The following WWOX variants were observed in gnomAD, a reference collection of about 807,000 sequenced individuals.
WWOX encodes the protein WW domain containing oxidoreductase.
Under a neutral mutation model 46.2 loss-of-function variants are expected in WWOX, and 69 were observed. That is an observed-to-expected ratio of 1.49 (90% confidence interval 1.23 to 1.82). The LOEUF is 1.82. Among genes scored for constraint, WWOX ranks in the 40% most tolerant of loss-of-function variants. The pLI, the probability that WWOX is intolerant of heterozygous loss-of-function variation, is 0.00. For synonymous variants in WWOX, 359 were observed against 202.6 expected, an observed-to-expected ratio of 1.77 and a Z score of -6.56; for missense variants, 919 against 542.6, an observed-to-expected ratio of 1.69 and a Z score of -6.89.
At chr16:78,914,040 A>G (rs1398695290) in intron 8 of WWOX, among the ~76,000 whole-genome samples, 1 of 152,044 alleles carries the variant, frequency 6.6e-6, no homozygotes, top group Non-Finnish European at 1.5e-5. Context: ...TCAGAGATGA[A>G]AATGAGATTT....
chr16:78,786,228 C>G (rs549495442), intron 8 of WWOX, among the ~76,000 whole-genome samples: 3 of 152,248 alleles, frequency 2.0e-5, no homozygotes, highest in South Asian at 4.2e-4. Context: ...TATTTTCTAC[C>G]CCACTTTCTT....
At chr16:79,178,202 A>G (rs1156333047) in intron 8 of WWOX, among the ~76,000 whole-genome samples, 2 of 152,238 alleles carry the variant, frequency 1.3e-5, no homozygotes, top group African/African-American at 2.4e-5. Context: ...ACAACCATGG[A>G]CAATACACAA....
intron 8 of WWOX, among the ~76,000 whole-genome samples, chr16:78,495,668 C>T (rs1028711938): frequency 6.6e-6 from 1 of 151,818 alleles, no homozygotes; most frequent in African/African-American, 2.4e-5. Context: ...GCCACGGCAC[C>T]TGGCTAATTT....
At chr16:78,392,643 T>A (rs1189158327) in intron 6 of WWOX, among the ~76,000 whole-genome samples, 2 of 152,144 alleles carry the variant, frequency 1.3e-5, no homozygotes, top group Non-Finnish European at 2.9e-5. Context: ...ATCTCTGTGG[T>A]GTCTTTTAAC....
intron 5 of WWOX, among the ~76,000 whole-genome samples, chr16:78,363,931 C>A (rs1219995777): frequency 6.6e-6 from 1 of 152,206 alleles, no homozygotes; most frequent in Non-Finnish European, 1.5e-5. Context: ...TGTTGTGATG[C>A]TTCCGGAAGA....
At chr16:78,710,547 T>C (rs2048423340) in intron 8 of WWOX, among the ~76,000 whole-genome samples, 1 of 140,942 alleles carries the variant, frequency 7.1e-6, no homozygotes, top group Non-Finnish European at 1.5e-5. Context: ...TTTATATATT[T>C]TTATATATTT....
intron 8 of WWOX, among the ~76,000 whole-genome samples, chr16:78,977,014 GCTTTCCC>G (rs2046585919): frequency 6.6e-6 from 1 of 152,120 alleles, no homozygotes; most frequent in Non-Finnish European, 1.5e-5. Context: ...TCATCAGAGA[GCTTTCCC>G]CTGGCCTGGG....
At chr16:78,534,921 C>G (rs2043721790) in intron 8 of WWOX, among the ~76,000 whole-genome samples, 1 of 151,996 alleles carries the variant, frequency 6.6e-6, no homozygotes, top group Admixed American at 6.6e-5. Context: ...ACCATGGTGG[C>G]CGGGATGGTC....
intron 8 of WWOX, among the ~76,000 whole-genome samples, chr16:78,815,783 C>T (rs2051313414): frequency 6.6e-6 from 1 of 152,238 alleles, no homozygotes; most frequent in South Asian, 2.1e-4. Flanking sequence ...GCAGACCTCT[C>T]TGCCAGTGTT....
chr16:78,679,332 C>G (rs906318256), intron 8 of WWOX, among the ~76,000 whole-genome samples: 1 of 152,154 alleles, frequency 6.6e-6, no homozygotes, highest in Non-Finnish European at 1.5e-5. Context: ...GGGTGGATCA[C>G]CTGAGGTCAG....
At chr16:78,963,718 G>T (rs1288577705) in intron 8 of WWOX, among the ~76,000 whole-genome samples, 1 of 152,152 alleles carries the variant, frequency 6.6e-6, no homozygotes, top group East Asian at 1.9e-4. Flanking sequence ...TTAACACACA[G>T]ACACATATTG....
chr16:78,852,245 T>A (rs1000767739), intron 8 of WWOX, among the ~76,000 whole-genome samples: 2 of 152,176 alleles, frequency 1.3e-5, no homozygotes, highest in African/African-American at 4.8e-5. Flanking sequence ...GGGTTTTACA[T>A]TGCAGTATAT....
At chr16:78,951,799 G>T (rs1475886414) in intron 8 of WWOX, among the ~76,000 whole-genome samples, 4 of 152,114 alleles carry the variant, frequency 2.6e-5, no homozygotes, top group Admixed American at 2.6e-4. Flanking sequence ...CAGGATGGTG[G>T]CTTGCAGGAA....
chr16:78,373,705 T>G (rs964233182), intron 5 of WWOX, among the ~76,000 whole-genome samples: 1 of 152,222 alleles, frequency 6.6e-6, no homozygotes, highest in Non-Finnish European at 1.5e-5. Context: ...TTTCTTTTGA[T>G]GACTGATAAA....
chr16:78,284,869 C>G (rs754750991), intron 5 of WWOX, among the ~76,000 whole-genome samples: 5 of 152,126 alleles, frequency 3.3e-5, no homozygotes, highest in African/African-American at 1.2e-4. Context: ...TTCAAACTTA[C>G]GTATTTCTTC....
intron 5 of WWOX, among the ~76,000 whole-genome samples, chr16:78,386,625 C>A (rs567369726): frequency 7.0e-6 from 1 of 142,140 alleles, no homozygotes; most frequent in Non-Finnish European, 1.5e-5. Flanking sequence ...CACAACCCAC[C>A]CCCCCGCCCC....
At chr16:78,363,619 A>G (rs1383892649) in intron 5 of WWOX, among the ~76,000 whole-genome samples, 1 of 152,150 alleles carries the variant, frequency 6.6e-6, no homozygotes, top group Admixed American at 6.5e-5. Context: ...TCCACATCTG[A>G]GAGTCCCAGA....
At chr16:78,778,294 A>G (rs2142544190) in intron 8 of WWOX, among the ~76,000 whole-genome samples, 1 of 152,242 alleles carries the variant, frequency 6.6e-6, no homozygotes, top group South Asian at 2.1e-4. Flanking sequence ...ATTGGTAACC[A>G]CTGATACGCC....
intron 8 of WWOX, among the ~76,000 whole-genome samples, chr16:79,209,012 C>T (rs72628258): frequency 0.17 from 25,909 of 152,082 alleles, 2,403 homozygotes; most frequent in East Asian, 0.3. Context: ...TAGAGAAGGT[C>T]GTCTTTGCTT....
Sources: allele counts gnomAD v4.1 joint callset (sites outside exome capture counted in the v4.1 genomes callset), GRCh38; gene constraint gnomAD v4.1.1; transcripts MANE v1.5; gene names NCBI Gene and HGNC (gene_info 2026-07-23, HGNC 2026-07-21).